SFI1: variants seen among roughly 807,000 people sequenced by gnomAD.
SFI1 encodes the protein SFI1 centrin binding protein, also known as protein SFI1 homolog.
SFI1 carries 195 observed loss-of-function variants against 207.5 expected under a neutral mutation model. That is an observed-to-expected ratio of 0.94 (90% CI 0.84 to 1.06). The LOEUF (loss-of-function observed/expected upper bound fraction) is 1.06, where lower values mean the gene tolerates loss of function less well. SFI1 is among the 50% of genes least tolerant of loss of function. The pLI, the probability that SFI1 is intolerant of heterozygous loss-of-function variation, is 0.00. For missense variants in SFI1, 1,634 were observed against 1,588.0 expected (o/e 1.03, Z -0.49); for synonymous variants, 630 against 598.9 (o/e 1.05, Z -0.76).
chr22:31,537,910 A>G (rs529184140), intron 4 of SFI1, among the ~76,000 whole-genome samples: 87 of 152,324 alleles, frequency 5.7e-4, no homozygotes, highest in Middle Eastern at 3.4e-3. Flanking sequence ...GAATAATATC[A>G]TACCACAAAC....
At chr22:31,604,071 G>C (rs1048506191) in intron 18 of SFI1, among the ~76,000 whole-genome samples, 2 of 152,198 alleles carry the variant, frequency 1.3e-5, no homozygotes, top group African/African-American at 4.8e-5. Flanking sequence ...ATTTACAGGA[G>C]TCCTACGTCC....
At chr22:31,585,032 A>AAG (rs1204053094) in intron 13 of SFI1, 36 bp from the exon 14 acceptor site, 1 of 1,602,850 alleles carries the variant, frequency 6.2e-7, no homozygotes, top group Non-Finnish European at 8.5e-7. Flanking sequence ...AGTTTTAAAA[A>AAG]CTTGAAACCT....
intron 6 of SFI1, among the ~76,000 whole-genome samples, chr22:31,553,174 G>A (rs1162762007): frequency 1.3e-5 from 2 of 152,150 alleles, no homozygotes; most frequent in Admixed American, 6.6e-5. Flanking sequence ...TCTGACTAGT[G>A]TAAGATGATA....
At chr22:31,507,984 G>C (rs1332092144) in intron 1 of SFI1, among the ~76,000 whole-genome samples, 1 of 152,138 alleles carries the variant, frequency 6.6e-6, no homozygotes, top group African/African-American at 2.4e-5. Flanking sequence ...GTTGAGGCAG[G>C]AGAATCGCTT....
In SFI1 at chr22:31,550,292, C is replaced by G. The variant is rs368008162; in HGVS notation, c.488C>G (p.Thr163Ser). 16 of 1,613,894 alleles carry G rather than the reference C, an allele frequency of 9.9e-6. No individual in the cohort carries two copies. The highest frequency in any genetic ancestry group is 1.4e-5 in the Non-Finnish European group (16 of 1,179,980). The change falls in exon 6 of 33, where the codon ACC becomes AGC. Residue 163 changes from threonine to serine, a missense_variant. Transcript: ENST00000400288. ...AACCTGATGTTCCAGACGTGGAAGA[C>G]CTATGTGCGTCAGCAGCAGGAGATG... ...LYNLMFQTWK[T>S]YVRQQQEMRN...
In SFI1 at chr22:31,618,111, T is replaced by TC; in HGVS notation, c.3513-3dup. 1 of 1,566,006 alleles carries TC rather than the reference T, an allele frequency of 6.4e-7. No individual in the cohort carries two copies. The highest frequency in any genetic ancestry group is 8.6e-7 in the Non-Finnish European group (1 of 1,156,346). On this transcript the variant is annotated splice_polypyrimidine_tract_variant and splice_region_variant and intron_variant, in intron 31 of 32. Transcript: ENST00000400288. ...GGCAGGCAGTGGGTATCTCCACCCC[T>TC]CAGGTCCTGTCGGCGGCAAGCGAGC... is the stretch of plus-strand genomic sequence containing the variant.
At chr22:31,584,863 C>CAT (rs2064816029) in intron 13 of SFI1, among the ~76,000 whole-genome samples, 1 of 152,044 alleles carries the variant, frequency 6.6e-6, no homozygotes, top group Non-Finnish European at 1.5e-5. Context: ...AAAGTTGCAA[C>CAT]ATTTTAGGCA....
intron 8 of SFI1, among the ~76,000 whole-genome samples, chr22:31,570,228 A>G (rs145474250): frequency 6.6e-5 from 10 of 152,348 alleles, no homozygotes; most frequent in African/African-American, 2.4e-4. Flanking sequence ...ATTTTCCACA[A>G]AGATGATAAG....
At chr22:31,511,333 C>G (rs1696285456) in intron 2 of SFI1, among the ~76,000 whole-genome samples, 1 of 152,098 alleles carries the variant, frequency 6.6e-6, no homozygotes, top group Non-Finnish European at 1.5e-5. Flanking sequence ...GTAAGCTGAA[C>G]CAGCACCCTG....
chr22:31,613,127 T>G lies in SFI1; in HGVS notation c.2491-15T>G. 6.2e-7 allele frequency: 1 copy of G among 1,612,442 alleles called. No homozygotes were observed. The highest frequency in any genetic ancestry group is 8.5e-7 in the Non-Finnish European group (1 of 1,179,854). On this transcript the variant is annotated splice_polypyrimidine_tract_variant and intron_variant, in intron 24 of 32. Transcript: ENST00000400288. ...AAGGGGCTATAGGGAAATGATCTGG[T>G]CTTTCTGGCCCTAGCTGGCAGCCAG...
At chr22:31,565,913 T>TA (rs1159086065) in intron 8 of SFI1, among the ~76,000 whole-genome samples, 1 of 152,032 alleles carries the variant, frequency 6.6e-6, no homozygotes, top group East Asian at 1.9e-4. Context: ...AAGCAGTTCT[T>TA]ACACCTTGGC....
intron 10 of SFI1, among the ~76,000 whole-genome samples, chr22:31,576,645 C>CT (rs1200204763): frequency 2.2e-3 from 321 of 144,826 alleles, no homozygotes; most frequent in Admixed American, 3.3e-3. Flanking sequence ...TTTTTTTTCC[C>CT]TTTTTTTTTT....
At chr22:31,546,048 G>A (rs751498785) in intron 4 of SFI1, among the ~76,000 whole-genome samples, 3 of 150,808 alleles carry the variant, frequency 2.0e-5, no homozygotes, top group Non-Finnish European at 3.0e-5. Flanking sequence ...GCATGCCCCC[G>A]CTATGCCTGG....
intron 15 of SFI1, among the ~76,000 whole-genome samples, chr22:31,601,263 A>G (rs1266177789): frequency 1.3e-5 from 2 of 150,210 alleles, no homozygotes; most frequent in South Asian, 2.1e-4. Context: ...AGCTGGGACT[A>G]CAGGCGCCCA....
intron 6 of SFI1, chr22:31,550,579 T>C (rs2060530874): frequency 2.3e-6 from 1 of 436,794 alleles, no homozygotes; most frequent in East Asian, 4.1e-5. Flanking sequence ...ACTCATTTAA[T>C]CAGAATTTGT....
chr22:31,611,437 G>A, intron 23 of SFI1, 134 bp downstream of exon 23: 1 of 1,178,028 alleles, frequency 8.5e-7, no homozygotes, highest in Non-Finnish European at 1.2e-6. Context: ...GGTGGTTTGG[G>A]GTCCTGTAAG....
At chr22:31,580,047 G>C (rs1029525523) in intron 11 of SFI1, 4 of 467,500 alleles carry the variant, frequency 8.6e-6, no homozygotes, top group Admixed American at 3.8e-5. Context: ...CAGCAGGGAG[G>C]GTTCAGCAAA....
At chr22:31,524,572 A>AC (rs1220814270) in intron 2 of SFI1, among the ~76,000 whole-genome samples, 1 of 151,698 alleles carries the variant, frequency 6.6e-6, no homozygotes, top group Non-Finnish European at 1.5e-5. Context: ...ACAAGCACAC[A>AC]CCACCATGCT....
At chr22:31,513,728 C>G (rs1049493206) in intron 2 of SFI1, among the ~76,000 whole-genome samples, 1 of 152,020 alleles carries the variant, frequency 6.6e-6, no homozygotes, top group Admixed American at 6.5e-5. Context: ...CAGGTGCACA[C>G]CACCATGCCT....
Sources: allele counts gnomAD v4.1 joint callset (sites outside exome capture counted in the v4.1 genomes callset), GRCh38; gene constraint gnomAD v4.1.1; transcripts MANE v1.5; gene names NCBI Gene and HGNC (gene_info 2026-07-23, HGNC 2026-07-21).